AGK: variants seen among roughly 807,000 people sequenced by gnomAD.
The protein encoded by AGK is acylglycerol kinase, mitochondrial.
A neutral mutation model predicts 66.4 loss-of-function variants in AGK; 52 were observed. That is an observed-to-expected ratio of 0.78 (90% CI 0.63 to 0.99). AGK has a LOEUF of 0.99. AGK is among the 50% of genes least tolerant of loss of function. The pLI is 0.00. For missense variants in AGK, 451 were observed against 506.6 expected, an observed-to-expected ratio of 0.89 and a Z score of 1.05; for synonymous variants, 182 against 181.1, an observed-to-expected ratio of 1.00 and a Z score of -0.04.
intron 11 of AGK, among the ~76,000 whole-genome samples, chr7:141,640,639 T>G (rs1441864501): frequency 6.6e-6 from 1 of 152,174 alleles, no homozygotes; most frequent in Admixed American, 6.5e-5. Context: ...GTGGATGTGG[T>G]GAATCAGAGG....
intron 2 of AGK, among the ~76,000 whole-genome samples, chr7:141,573,703 C>T (rs147463910): frequency 0.011 from 1,734 of 152,296 alleles, 28 homozygotes; most frequent in African/African-American, 0.039. Flanking sequence ...TATCATTTCA[C>T]GCACGCTATT....
chr7:141,648,696 G>A (rs927865119), intron 13 of AGK, among the ~76,000 whole-genome samples: 6 of 152,156 alleles, frequency 3.9e-5, no homozygotes, highest in African/African-American at 7.2e-5. Context: ...CCATTTTGTC[G>A]TAGCTCAAAT....
At chr7:141,638,490 G>T (rs1797221292) in intron 11 of AGK, among the ~76,000 whole-genome samples, 1 of 152,138 alleles carries the variant, frequency 6.6e-6, no homozygotes, top group South Asian at 2.1e-4. Context: ...CATGAAATGA[G>T]CAGATTTGCA....
At chr7:141,614,456 A>C (rs1390728346) in intron 7 of AGK, among the ~76,000 whole-genome samples, 1 of 152,102 alleles carries the variant, frequency 6.6e-6, no homozygotes, top group Non-Finnish European at 1.5e-5. Context: ...ACTTTTTCAT[A>C]AAAGAAATTG....
intron 13 of AGK, among the ~76,000 whole-genome samples, chr7:141,646,363 T>C (rs1038816203): frequency 1.3e-5 from 2 of 151,856 alleles, no homozygotes; most frequent in African/African-American, 4.9e-5. Flanking sequence ...GAATAGTTCG[T>C]GTTCAAACCA....
chr7:141,652,674 C>G, intron 15 of AGK, 113 bp from the exon 16 acceptor site: 1 of 1,169,312 alleles, frequency 8.6e-7, no homozygotes, highest in Non-Finnish European at 1.2e-6. Flanking sequence ...GATAGCTCCT[C>G]AAGAGAGGAT....
At chr7:141,645,443 C>T (rs1797389918) in intron 13 of AGK, among the ~76,000 whole-genome samples, 1 of 152,094 alleles carries the variant, frequency 6.6e-6, no homozygotes, top group Non-Finnish European at 1.5e-5. Context: ...TGAATTCTTT[C>T]AAATTTTCTA....
intron 9 of AGK, among the ~76,000 whole-genome samples, chr7:141,622,456 C>G (rs1796848225): frequency 6.6e-6 from 1 of 152,180 alleles, no homozygotes; most frequent in Non-Finnish European, 1.5e-5. Context: ...CACTTCATGA[C>G]TCTGTGTCAC....
At chr7:141,616,918 C>T (rs978516220) in intron 8 of AGK, among the ~76,000 whole-genome samples, 6 of 151,858 alleles carry the variant, frequency 4.0e-5, no homozygotes, top group Non-Finnish European at 8.8e-5. Context: ...CCACCACGCC[C>T]GGCTAATTTT....
Position 141,602,173 on chromosome 7 carries a change from T to TGTGTGTGTGTGTGTGTGTGTGTGTG in AGK, c.297+893_297+894insGTGTGTGTGTGTGTGTGTGTGTGTG, listed in dbSNP as rs1587114560. On this transcript the variant is annotated intron_variant, in intron 5 of 15. Coordinates refer to ENST00000649286, the MANE Select transcript of AGK (RefSeq NM_018238.4). ...GAGCTTTCCTTGAGGGGAGATTTTC[T>TGTGTGTGTGTGTGTGTGTGTGTGTG]TGTGTGTGTGTGTGTGTGTGTGTGT... is the stretch of plus-strand genomic sequence containing the variant. 6.0e-4 allele frequency among the ~76,000 whole-genome samples: 75 copies of TGTGTGTGTGTGTGTGTGTGTGTGTG among 125,370 alleles called. 2 individuals carry two copies. In the East Asian group the frequency reaches 6.5e-3, roughly 11 times the overall value. 82.2% of individuals were successfully genotyped at this position (125,370 alleles called of 152,430 possible).
At chr7:141,577,138 C>T (rs531090610) in intron 2 of AGK, among the ~76,000 whole-genome samples, 2 of 152,172 alleles carry the variant, frequency 1.3e-5, no homozygotes, top group African/African-American at 2.4e-5. Context: ...TAAAATTTAA[C>T]CTGAAAGACT....
intron 2 of AGK, among the ~76,000 whole-genome samples, chr7:141,558,506 A>G (rs1795265437): frequency 6.6e-6 from 1 of 152,128 alleles, no homozygotes; most frequent in Non-Finnish European, 1.5e-5. Flanking sequence ...TTACGTTTAA[A>G]GAGGTATGGT....
At position 141,644,995 on chromosome 7, in the gene AGK, CTA is replaced by C. The variant is rs1289022877; in HGVS notation, c.975+3089_975+3090del. Among the ~76,000 whole-genome samples, 5 of 151,980 alleles carry C rather than the reference CTA, an allele frequency of 3.3e-5. No homozygotes were observed. The South Asian group carries it at 8.3e-4, about 25-fold the overall frequency. Reference sequence around the variant, plus strand: ...TCTTATTATAGTTTTATAATAAGTTCTATGTTTTTCTCTTTTTACACAGTCTC... The same window carrying C: ...TCTTATTATAGTTTTATAATAAGTTCTGTTTTTCTCTTTTTACACAGTCTC... On this transcript the variant is annotated intron_variant, in intron 13 of 15. Transcript: ENST00000649286.
At chr7:141,590,882 G>T (rs1796099186) in intron 2 of AGK, among the ~76,000 whole-genome samples, 1 of 152,176 alleles carries the variant, frequency 6.6e-6, no homozygotes, top group East Asian at 1.9e-4. Context: ...TGAATACTGG[G>T]TGTGGAGGAA....
At chr7:141,596,479 A>G (rs2116927021) in intron 3 of AGK, 83 bp from the exon 4 acceptor site, 2 of 1,282,538 alleles carry the variant, frequency 1.6e-6, no homozygotes, top group Non-Finnish European at 2.3e-6. Flanking sequence ...CTGCAAGTAC[A>G]TTTTTTTTGG....
intron 9 of AGK, among the ~76,000 whole-genome samples, chr7:141,624,451 G>A (rs1387554631): frequency 1.3e-5 from 2 of 152,188 alleles, no homozygotes; most frequent in African/African-American, 2.4e-5. Flanking sequence ...CATTCTAGAT[G>A]CCATTAAGAA....
At chr7:141,581,952 A>G (rs1475146532) in intron 2 of AGK, among the ~76,000 whole-genome samples, 3 of 152,006 alleles carry the variant, frequency 2.0e-5, no homozygotes, top group Admixed American at 6.5e-5. Flanking sequence ...CATGCCCTTG[A>G]AAAGAAGGTA....
intron 2 of AGK, chr7:141,562,187 GT>G: frequency 2.2e-6 from 1 of 454,584 alleles, no homozygotes; most frequent in Non-Finnish European, 4.4e-6. Context: ...AGGACCTTTG[GT>G]TAGCCAGGAT....
rs150302628 is a variant in AGK at position 141,646,283 on chromosome 7, T to C, written c.976-2980T>C. ...GCATGTGAGAAACCACCACCCGAGA[T>C]AGAGGTTGAGTTACCTACCAGTGAG... On this transcript the variant is annotated intron_variant, in intron 13 of 15. Transcript: ENST00000649286. 2.6e-3 allele frequency among the ~76,000 whole-genome samples: 396 copies of C among 150,784 alleles called. 2 individuals carry two copies. Among genetic ancestry groups the C allele is most frequent in the Admixed American group, 0.02 (309 of 15,162 alleles).
Sources: gnomAD v4.1 joint callset for allele counts (sites outside exome capture counted in the v4.1 genomes callset) on GRCh38, gnomAD v4.1.1 for gene constraint, MANE v1.5 for transcripts, NCBI Gene and HGNC (gene_info 2026-07-23, HGNC 2026-07-21) for gene names.